Variants in ING5 observed in about 807,000 individuals in gnomAD.
ING5 encodes the protein inhibitor of growth family member 5, also known as inhibitor of growth protein 5.
ING5 carries 17 observed loss-of-function variants against 37.4 expected under a neutral mutation model. The ratio of observed to expected loss-of-function variants is 0.45; its 90% CI spans 0.31 to 0.68. The LOEUF is 0.68. Among genes scored for constraint, ING5 ranks in the 30% least tolerant of loss-of-function variants. The pLI, the probability that ING5 is intolerant of heterozygous loss-of-function variation, is 0.05. For missense variants in ING5, 233 were observed against 311.9 expected, an observed-to-expected ratio of 0.75 and a Z score of 1.91; for synonymous variants, 123 against 116.6, an observed-to-expected ratio of 1.06 and a Z score of -0.36.
In ING5 at chr2:241,727,645, C is replaced by A. The variant is rs4428044; in HGVS notation, c.*2614C>A. The A allele has an allele frequency of 0.49, 75,234 of 152,180 alleles. 19,477 individuals are homozygous for A. The highest frequency in any genetic ancestry group is 0.79 in the East Asian group (4,100 of 5,192). The allele number at this position is 152,180 out of a possible 1,614,324, so 9.4% of individuals were successfully genotyped here. ...AGATGTTTATTGATCGTGGAGGATA[C>A]ATTGTGGAAAATGTTTTTCTCTCTT... On this transcript the variant is annotated 3_prime_UTR_variant, in exon 8 of 8. Transcript: ENST00000313552.
chr2:241,708,993 G>T, intron 2 of ING5: 1 of 424,458 alleles, frequency 2.4e-6, no homozygotes, highest in South Asian at 4.5e-5. Context: ...TCAGAGCTGG[G>T]ACTGTCCTGG....
At chr2:241,716,843 C>T (rs992510210) in intron 5 of ING5, among the ~76,000 whole-genome samples, 13 of 152,140 alleles carry the variant, frequency 8.5e-5, no homozygotes, top group African/African-American at 3.1e-4. Context: ...AGATGTTGAA[C>T]TCACAGAAGT....
At chr2:241,714,039 G>C (rs2070194869) in intron 5 of ING5, among the ~76,000 whole-genome samples, 2 of 151,106 alleles carry the variant, frequency 1.3e-5, no homozygotes, top group South Asian at 4.2e-4. Flanking sequence ...GTAGTGCACA[G>C]ATACAGAAAA....
intron 5 of ING5, among the ~76,000 whole-genome samples, chr2:241,717,318 G>A (rs1285743763): frequency 6.6e-6 from 1 of 152,064 alleles, no homozygotes; most frequent in Admixed American, 6.6e-5. Context: ...TGACCCTCTC[G>A]CCTCAGCCTC....
intron 2 of ING5, among the ~76,000 whole-genome samples, chr2:241,708,389 A>G (rs958067715): frequency 2.7e-5 from 4 of 150,902 alleles, no homozygotes; most frequent in African/African-American, 9.8e-5. Flanking sequence ...TTGTATTTTT[A>G]GTAGAGACGG....
chr2:241,707,554 A>G (rs1206237661), intron 2 of ING5, among the ~76,000 whole-genome samples: 1 of 152,152 alleles, frequency 6.6e-6, no homozygotes, highest in South Asian at 2.1e-4. Context: ...TGGCCTCCCA[A>G]AGTGCTGGGA....
chr2:241,687,261 C>A, exon 1 of ING5: 1 of 397,884 alleles, frequency 2.5e-6, no homozygotes, highest in South Asian at 1.3e-4. Flanking sequence ...GGGCTCCGGT[C>A]ACGCGGCGCG....
In ING5 at chr2:241,711,422, GA is replaced by G; in HGVS notation, c.324del (p.Ala109GlnfsTer3). On this transcript the variant is annotated frameshift_variant, in exon 4 of 8. Transcript: ENST00000313552. LOFTEE classifies it high-confidence loss of function. ...GCTTGATGCAGACCTGGCGCGCTTT[GA>G]AGCAGATCTGAAGGACAAGATGGAG... is the stretch of plus-strand genomic sequence containing the variant. Reference protein sequence around the residue: ...RRLDADLARFEADLKDKMEGS... With the variant: ...RRLDADLARFXADLKDKMEGS... The G allele has an allele frequency of 6.3e-7, 1 of 1,595,276 alleles. No individual in the cohort carries two copies. Among genetic ancestry groups the G allele is most frequent in the Non-Finnish European group, 8.5e-7 (1 of 1,172,016 alleles).
chr2:241,722,884 G>C, intron 5 of ING5, 55 bp from the exon 6 acceptor site: 1 of 1,605,394 alleles, frequency 6.2e-7, no homozygotes, highest in Middle Eastern at 1.8e-4. Context: ...TGGTGTCCGT[G>C]CCGCCTCACT....
chr2:241,712,922 G>T (rs753455380), intron 5 of ING5, among the ~76,000 whole-genome samples: 12 of 150,548 alleles, frequency 8.0e-5, no homozygotes, highest in South Asian at 2.1e-4. Flanking sequence ...AGCTACTAGG[G>T]AAAGCTGAGC....
At chr2:241,715,221 G>T (rs970293401) in intron 5 of ING5, among the ~76,000 whole-genome samples, 3 of 151,648 alleles carry the variant, frequency 2.0e-5, no homozygotes, top group Admixed American at 6.6e-5. Context: ...TTGAGATGAG[G>T]TCTCACTCTG....
chr2:241,728,870 G>A lies in ING5; in HGVS notation c.*3839G>A, dbSNP rs1691718718. On this transcript the variant is annotated 3_prime_UTR_variant, in exon 8 of 8. Transcript: ENST00000313552. ...AGCAGCTGTGCAGACTGGTGGCGGT[G>A]GGAGGGTTTGCTGGGACTGATGGGG... The A allele has an allele frequency of 6.6e-6, 1 of 152,246 alleles. No individual in the cohort carries two copies. Among genetic ancestry groups the A allele is most frequent in the Non-Finnish European group, 1.5e-5 (1 of 68,074 alleles). 9.4% of individuals were successfully genotyped at this position (152,246 alleles called of 1,614,324 possible). A position where few individuals can be genotyped will look rare whatever the true frequency, so the allele number is the denominator to read the frequency against.
chr2:241,709,675 C>T (rs2070046621), intron 3 of ING5, among the ~76,000 whole-genome samples: 1 of 147,600 alleles, frequency 6.8e-6, no homozygotes, highest in South Asian at 2.2e-4. Flanking sequence ...GGTGTGATTT[C>T]AGCTCAGTGC....
At chr2:241,702,666 C>T (rs1413381046) in intron 1 of ING5, among the ~76,000 whole-genome samples, 1 of 152,210 alleles carries the variant, frequency 6.6e-6, no homozygotes, top group African/African-American at 2.4e-5. Context: ...GCGGGGAGGG[C>T]GGTGCCGAGT....
chr2:241,693,652 C>CTTTTTTTTTTTTTTTTTTTTTTTT (rs1185556171), intron 2 of ING5, among the ~76,000 whole-genome samples: 1 of 78,538 alleles, frequency 1.3e-5, no homozygotes, highest in Non-Finnish European at 2.3e-5. Flanking sequence ...AAATACAACT[C>CTTTTTTTTTTTTTTTTTTTTTTTT]TTTTTTTTTT....
At chr2:241,720,246 G>A in intron 5 of ING5, 1 of 1,231,350 alleles carries the variant, frequency 8.1e-7, no homozygotes. Flanking sequence ...GAGTTCTGTG[G>A]TGCGCGTCCC....
At chr2:241,709,449 G>A (rs2070035449) in intron 3 of ING5, 67 bp downstream of exon 3, 3 of 1,473,540 alleles carry the variant, frequency 2.0e-6, no homozygotes, top group Admixed American at 2.2e-5. Context: ...GCAACAAAAT[G>A]TAAAAACTGC....
upstream of ING5, among the ~76,000 whole-genome samples, chr2:241,700,191 C>G (rs2069693382): frequency 1.5e-5 from 2 of 129,798 alleles, no homozygotes; most frequent in South Asian, 2.6e-4. Flanking sequence ...GAGTGTTGCT[C>G]TGTCGCCCAG....
intron 1 of ING5, among the ~76,000 whole-genome samples, chr2:241,704,366 G>A (rs1559300572): frequency 1.3e-5 from 2 of 152,096 alleles, no homozygotes; most frequent in Non-Finnish European, 2.9e-5. Context: ...TCAGGAGTTC[G>A]AGACAAGCCT....
Sources: allele counts gnomAD v4.1 joint callset (sites outside exome capture counted in the v4.1 genomes callset), GRCh38; gene constraint gnomAD v4.1.1; transcripts MANE v1.5; gene names NCBI Gene and HGNC (gene_info 2026-07-23, HGNC 2026-07-21).